Variants in KANK1 observed in about 807,000 individuals in gnomAD.
The protein encoded by KANK1 is KN motif and ankyrin repeat domain-containing protein 1.
In KANK1, 109 loss-of-function variants were observed where a neutral mutation model predicts 106.2. The ratio of observed to expected loss-of-function variants is 1.03; its 90% CI spans 0.88 to 1.20. The LOEUF is 1.20. Ranked by LOEUF, KANK1 falls within the 50% of genes most tolerant of loss-of-function variation. The pLI, the probability that KANK1 is intolerant of heterozygous loss-of-function variation, is 0.00. For missense variants in KANK1, 2,399 were observed against 1,710.7 expected (o/e 1.40, Z -7.10); for synonymous variants, 873 against 652.2 (o/e 1.34, Z -5.16).
intron 1 of KANK1, among the ~76,000 whole-genome samples, chr9:525,400 A>C (rs1396227586): frequency 6.9e-6 from 1 of 144,008 alleles, no homozygotes; most frequent in Non-Finnish European, 1.5e-5. Flanking sequence ...TTTGAGACAG[A>C]GTCTTGCTCT....
intron 1 of KANK1, among the ~76,000 whole-genome samples, chr9:512,176 G>T (rs2059058392): frequency 6.6e-6 from 1 of 152,018 alleles, no homozygotes; most frequent in Admixed American, 6.5e-5. Flanking sequence ...AACTTGTGTG[G>T]CAGCAGGCTT....
At chr9:517,037 T>G (rs1260466341) in intron 1 of KANK1, among the ~76,000 whole-genome samples, 1 of 107,870 alleles carries the variant, frequency 9.3e-6, no homozygotes, top group Non-Finnish European at 1.7e-5. Context: ...ATCCGTCTTG[T>G]GTTTTTTGGT....
At chr9:569,123 C>A (rs1818548490) in intron 1 of KANK1, among the ~76,000 whole-genome samples, 1 of 152,100 alleles carries the variant, frequency 6.6e-6, no homozygotes, top group African/African-American at 2.4e-5. Context: ...ACTACTGTAT[C>A]CAGCTGCCTG....
At position 661,529 on chromosome 9, in the gene KANK1, G is replaced by C. The variant is rs562861822; in HGVS notation, c.-83-15361G>C. Among the ~76,000 whole-genome samples, 397 of 152,234 alleles carry C rather than the reference G, an allele frequency of 2.6e-3. 3 individuals are homozygous for C. The highest frequency in any genetic ancestry group is 9.2e-3 in the African/African-American group (383 of 41,512). On this transcript the variant is annotated intron_variant, in intron 1 of 11. Coordinates refer to ENST00000382297, the MANE Select transcript of KANK1 (RefSeq NM_015158.5). The stretch of plus-strand genomic sequence containing the variant: ...TTTATTAATCCAGTCTATCATTGAT[G>C]GGCATTTGGGTTGGTTCCAAGTCTC...
intron 2 of KANK1, among the ~76,000 whole-genome samples, chr9:691,453 G>T (rs1819891895): frequency 1.3e-5 from 2 of 150,304 alleles, no homozygotes; most frequent in South Asian, 2.1e-4. Flanking sequence ...TAGAGACAAG[G>T]TCTCACTATT....
Position 494,541 on chromosome 9 carries a change from A to G in KANK1, c.-362+21268A>G, listed in dbSNP as rs138927157. 2.0e-5 allele frequency among the ~76,000 whole-genome samples: 3 copies of G among 152,310 alleles called. No individual in the cohort carries two copies. In the East Asian group the frequency reaches 5.8e-4, roughly 29 times the overall value. ...TATCACTTCTGAGATTAGATTATAAAAGGCATTGTGCTACCATCTTGGTCA... is the reference window on the plus strand; with the variant it reads ...TATCACTTCTGAGATTAGATTATAAGAGGCATTGTGCTACCATCTTGGTCA... On this transcript the variant is annotated intron_variant, in intron 3 of 15. Coordinates refer to the KANK1 transcript ENST00000382303.
At position 641,963 on chromosome 9, in the gene KANK1, T is replaced by C. The variant is rs114720919; in HGVS notation, c.-83-34927T>C. ...CCCCAAAAAAGAAAACCCATACCCA[T>C]TGGCAATCAAAAGCCGATTTCCTCC... is the stretch of plus-strand genomic sequence containing the variant. On this transcript the variant is annotated intron_variant, in intron 1 of 11. Coordinates refer to ENST00000382297, the MANE Select transcript of KANK1 (RefSeq NM_015158.5). Among the ~76,000 whole-genome samples, 793 of 152,206 alleles carry C rather than the reference T, an allele frequency of 5.2e-3. 12 individuals carry two copies. The highest frequency in any genetic ancestry group is 0.018 in the African/African-American group (748 of 41,504).
intron 3 of KANK1, among the ~76,000 whole-genome samples, chr9:713,870 G>A (rs1442581202): frequency 6.6e-6 from 1 of 152,110 alleles, no homozygotes; most frequent in East Asian, 1.9e-4. Flanking sequence ...TTGAAATACT[G>A]GCATAAAATG....
intron 3 of KANK1, among the ~76,000 whole-genome samples, chr9:476,298 A>G (rs1259854544): frequency 6.6e-6 from 1 of 152,158 alleles, no homozygotes; most frequent in African/African-American, 2.4e-5. Flanking sequence ...AGGCGGGTGG[A>G]TCACCTGAGG....
chr9:474,078 T>C (rs140836936), intron 3 of KANK1, among the ~76,000 whole-genome samples: 63 of 152,326 alleles, frequency 4.1e-4, no homozygotes, highest in Non-Finnish European at 8.2e-4. Flanking sequence ...AGAAATACTA[T>C]CTATTTATAA....
intron 1 of KANK1, among the ~76,000 whole-genome samples, chr9:583,855 C>T (rs529429445): frequency 3.3e-5 from 5 of 151,688 alleles, no homozygotes; most frequent in East Asian, 1.9e-4. Flanking sequence ...TAAAAAGGTG[C>T]GAAGTGTTCA....
At chr9:487,049 G>A (rs569035333) in intron 3 of KANK1, among the ~76,000 whole-genome samples, 1 of 152,276 alleles carries the variant, frequency 6.6e-6, no homozygotes, top group South Asian at 2.1e-4. Context: ...AGACCTGGAA[G>A]TTATTTTTAT....
chr9:627,637 T>C (rs1834674759), intron 1 of KANK1, among the ~76,000 whole-genome samples: 1 of 152,228 alleles, frequency 6.6e-6, no homozygotes, highest in Admixed American at 6.5e-5. Context: ...TCTTCTTCAG[T>C]CTGCTATTTT....
chr9:673,651 A>C (rs1456205169), intron 1 of KANK1: 1 of 152,210 alleles, frequency 6.6e-6, no homozygotes, highest in Non-Finnish European at 1.5e-5. Flanking sequence ...TGCCAGATGA[A>C]AGAGTTTCAA....
intron 1 of KANK1, among the ~76,000 whole-genome samples, chr9:629,531 T>G (rs1835168414): frequency 6.6e-6 from 1 of 152,204 alleles, no homozygotes; most frequent in Non-Finnish European, 1.5e-5. Flanking sequence ...TTCAGTAACT[T>G]AACTATTCTC....
At chr9:675,205 C>T (rs1816146934) in intron 1 of KANK1, among the ~76,000 whole-genome samples, 1 of 151,930 alleles carries the variant, frequency 6.6e-6, no homozygotes, top group Non-Finnish European at 1.5e-5. Context: ...TTCTTTTAAC[C>T]AACATACTTT....
rs765228888 is a variant in KANK1, at chr9:712,842, A to C, written c.2076A>C (p.Ile692=). 6.2e-7 allele frequency: 1 copy of C among 1,613,928 alleles called. No individual in the cohort carries two copies. Among genetic ancestry groups the C allele is most frequent in the Non-Finnish European group, 8.5e-7 (1 of 1,179,998 alleles). Residue 692 remains isoleucine (I), a synonymous_variant, in exon 3 of 12, where the codon ATA becomes ATC. Coordinates refer to ENST00000382297, the MANE Select transcript of KANK1 (RefSeq NM_015158.5). ...QFTNTETATL[I]ESCTNTCLST... ...CCAACACCGAGACGGCCACCCTCATAGAGTCCTGCACCAACACTTGTCTAA... is the reference window on the plus strand; with the variant it reads ...CCAACACCGAGACGGCCACCCTCATCGAGTCCTGCACCAACACTTGTCTAA...
chr9:482,226 A>C (rs2132173132), intron 3 of KANK1, among the ~76,000 whole-genome samples: 1 of 152,310 alleles, frequency 6.6e-6, no homozygotes, highest in Non-Finnish European at 1.5e-5. Flanking sequence ...CCTCTTGGAC[A>C]ATCACCCTTG....
chr9:558,569 A>C (rs770381640), intron 1 of KANK1, among the ~76,000 whole-genome samples: 3 of 152,174 alleles, frequency 2.0e-5, no homozygotes, highest in Non-Finnish European at 4.4e-5. Context: ...AGCTTAGCCA[A>C]TGCGTCTCTT....
Sources: allele counts gnomAD v4.1 joint callset (sites outside exome capture counted in the v4.1 genomes callset), GRCh38; gene constraint gnomAD v4.1.1; transcripts MANE v1.5; gene names NCBI Gene and HGNC (gene_info 2026-07-23, HGNC 2026-07-21).